The following ERCC6L2 variants were observed in gnomAD, a reference collection of about 807,000 sequenced individuals.
ERCC6L2 encodes the protein DNA excision repair protein ERCC-6-like 2.
ERCC6L2 carries 77 observed loss-of-function variants against 132.0 expected under a neutral mutation model. The observed-to-expected ratio is 0.58, with a 90% CI of 0.49 to 0.71. The LOEUF (loss-of-function observed/expected upper bound fraction) is 0.71, where lower values mean the gene tolerates loss of function less well. Ranked by LOEUF, ERCC6L2 falls within the 30% of genes least tolerant of loss-of-function variation. ERCC6L2 has a pLI of 0.00. For missense variants in ERCC6L2, 1,542 were observed against 1,837.6 expected (o/e 0.84, Z 2.94); for synonymous variants, 583 against 632.4 (o/e 0.92, Z 1.17).
downstream of ERCC6L2, among the ~76,000 whole-genome samples, chr9:96,023,245 A>G (rs1181975406): frequency 6.6e-6 from 1 of 152,186 alleles, no homozygotes; most frequent in African/African-American, 2.4e-5. Context: ...GAAGGGATTT[A>G]TGATTAGCAT....
At chr9:95,878,267 CA>C (rs1183224952) in intron 1 of ERCC6L2, among the ~76,000 whole-genome samples, 1 of 152,190 alleles carries the variant, frequency 6.6e-6, no homozygotes, top group Non-Finnish European at 1.5e-5. Context: ...GTATGGCCTA[CA>C]AAATCTAAAG....
At chr9:95,917,510 G>A (rs978589635) in intron 6 of ERCC6L2, among the ~76,000 whole-genome samples, 48 of 152,234 alleles carry the variant, frequency 3.2e-4, no homozygotes, top group African/African-American at 1.1e-3. Flanking sequence ...TATGCAAGTT[G>A]GGGAAATAGA....
chr9:95,955,238 T>A (rs942767178), intron 12 of ERCC6L2, among the ~76,000 whole-genome samples: 9 of 152,212 alleles, frequency 5.9e-5, no homozygotes, highest in Non-Finnish European at 1.2e-4. Context: ...ATCCACCTCA[T>A]CTACGGATGA....
At chr9:95,978,292 G>A in intron 17 of ERCC6L2, 77 bp downstream of exon 17, 1 of 958,774 alleles carries the variant, frequency 1.0e-6, no homozygotes, top group South Asian at 1.8e-5. Flanking sequence ...TCTTCTCTAA[G>A]TACTCCCTCA....
rs113747866 is a variant in ERCC6L2 at position 95,987,697 on chromosome 9, A to G, written c.3492+9482A>G. Among the ~76,000 whole-genome samples, 250 of 152,238 alleles carry G rather than the reference A, an allele frequency of 1.6e-3. 3 individuals are homozygous for G. The South Asian group carries it at 0.02, about 12-fold the overall frequency. On this transcript the variant is annotated intron_variant, in intron 17 of 18. Transcript: ENST00000653738. ...AATGCATGCTCTCAGTGGATCTACC[A>G]TTATGGGGCCTGGAGTATGGTGGCC...
At chr9:95,979,704 A>G (rs1832816740) in intron 17 of ERCC6L2, among the ~76,000 whole-genome samples, 1 of 152,168 alleles carries the variant, frequency 6.6e-6, no homozygotes, top group African/African-American at 2.4e-5. Flanking sequence ...TCATCTTCTC[A>G]TTTGATCCAG....
At chr9:96,026,888 TACC>T (rs146542469) in intron 19 of ERCC6L2, among the ~76,000 whole-genome samples, 36,308 of 113,328 alleles carry the variant, frequency 0.32, 5,241 homozygotes, top group East Asian at 0.46. Context: ...ACACCACACA[TACC>T]ACAACACACA....
At position 96,032,987 on chromosome 9, in the gene ERCC6L2, G is replaced by A. The variant is rs569219454; in HGVS notation, c.*1504-5889G>A. Among the ~76,000 whole-genome samples the A allele has an allele frequency of 7.0e-4, 107 of 152,238 alleles. 1 individual carries two copies. Among genetic ancestry groups the A allele is most frequent in the African/African-American group, 2.3e-3 (96 of 41,526 alleles). On this transcript the variant is annotated intron_variant and NMD_transcript_variant, in intron 19 of 20. Coordinates refer to the ERCC6L2 transcript ENST00000670016. ...ACCCAGGCGTCCAGGCTCGTGTGTC[G>A]GTGATTTAGCAGCCTGTACCAGTGG...
Position 95,875,940 on chromosome 9 carries a change from G to A in ERCC6L2, c.-99G>A, listed in dbSNP as rs1024183803. 10 of 1,318,440 alleles carry A rather than the reference G, an allele frequency of 7.6e-6. No homozygotes were observed. The highest frequency in any genetic ancestry group is 2.0e-5 in the Admixed American group (1 of 49,278). The allele number at this position is 1,318,440 out of a possible 1,614,324, so 81.7% of individuals were successfully genotyped here. A position where few individuals can be genotyped will look rare whatever the true frequency, so the allele number is the denominator to read the frequency against. On this transcript the variant is annotated 5_prime_UTR_variant, in exon 1 of 19. Transcript: ENST00000653738. ...CGATGCTCGGAGGGCGGCCGGAAGT[G>A]GCGTTGGCCGCCATTGGCCTGCCGG...
intron 12 of ERCC6L2, among the ~76,000 whole-genome samples, chr9:95,946,460 G>A (rs528924644): frequency 3.3e-5 from 5 of 152,170 alleles, no homozygotes; most frequent in African/African-American, 9.6e-5. Context: ...CCTGGGAGGC[G>A]GAACTTGCAG....
chr9:95,969,692 T>G (rs1587998220), intron 14 of ERCC6L2, among the ~76,000 whole-genome samples: 2 of 152,294 alleles, frequency 1.3e-5, no homozygotes, highest in South Asian at 4.1e-4. Context: ...CCCATCCCAT[T>G]GCTGTAATAG....
intron 13 of ERCC6L2, among the ~76,000 whole-genome samples, chr9:95,962,489 C>G (rs1369342273): frequency 6.6e-6 from 1 of 152,130 alleles, no homozygotes; most frequent in Non-Finnish European, 1.5e-5. Flanking sequence ...AGAATAAATT[C>G]TGATACCTAT....
intron 3 of ERCC6L2, among the ~76,000 whole-genome samples, chr9:95,904,518 A>G (rs773394293): frequency 1.3e-5 from 2 of 152,146 alleles, no homozygotes; most frequent in Non-Finnish European, 2.9e-5. Flanking sequence ...CCTGGGTTCA[A>G]ATACTTACTT....
At chr9:95,912,008 C>T (rs72758439) in intron 4 of ERCC6L2, among the ~76,000 whole-genome samples, 13 of 152,262 alleles carry the variant, frequency 8.5e-5, no homozygotes, top group African/African-American at 2.4e-4. Flanking sequence ...TTGCCCTTCT[C>T]TTGCCCGCTT....
chr9:95,979,805 T>C (rs370411765), intron 17 of ERCC6L2, among the ~76,000 whole-genome samples: 1 of 152,226 alleles, frequency 6.6e-6, no homozygotes. Flanking sequence ...GGCGGAATTA[T>C]GTTGGGTTTT....
At chr9:95,904,948 TCA>T (rs1349271001) in intron 3 of ERCC6L2, 4 of 152,210 alleles carry the variant, frequency 2.6e-5, no homozygotes, top group Admixed American at 1.3e-4. Context: ...AATTTTATAT[TCA>T]GTTTTATAAA....
downstream of ERCC6L2, chr9:96,020,080 G>A (rs1161758438): frequency 6.5e-6 from 1 of 152,992 alleles, no homozygotes; most frequent in Non-Finnish European, 1.5e-5. Context: ...TACTCGGGAG[G>A]CTGAGGCAGG....
At chr9:96,029,946 C>CA (rs1433636729) in intron 19 of ERCC6L2, among the ~76,000 whole-genome samples, 1 of 152,216 alleles carries the variant, frequency 6.6e-6, no homozygotes, top group Non-Finnish European at 1.5e-5. Flanking sequence ...GCCCGGACAC[C>CA]AGCCACCTCC....
chr9:96,018,679 A>G (rs925890348), downstream of ERCC6L2, among the ~76,000 whole-genome samples: 14 of 149,808 alleles, frequency 9.3e-5, no homozygotes, highest in Admixed American at 8.7e-4. Context: ...CATGTTGCCC[A>G]GGTCTGGTCT....
Sources: allele counts gnomAD v4.1 joint callset (sites outside exome capture counted in the v4.1 genomes callset), GRCh38; gene constraint gnomAD v4.1.1; transcripts MANE v1.5; gene names NCBI Gene and HGNC (gene_info 2026-07-23, HGNC 2026-07-21).